GREB1: variants seen among roughly 807,000 people sequenced by gnomAD.
GREB1 encodes the protein growth regulating estrogen receptor binding 1, also known as protein GREB1.
A neutral mutation model predicts 200.7 loss-of-function variants in GREB1; 106 were observed. That is an observed-to-expected ratio of 0.53 (90% confidence interval 0.45 to 0.62). GREB1 has a LOEUF of 0.62. Ranked by LOEUF, GREB1 falls within the 20% of genes least tolerant of loss-of-function variation. The probability of loss-of-function intolerance (pLI) is 0.00; values close to 1 mark genes in which losing one functional copy is unlikely to be tolerated. For missense variants in GREB1, 2,243 were observed against 2,556.8 expected (o/e 0.88, Z 2.65); for synonymous variants, 1,132 against 1,092.4 (o/e 1.04, Z -0.72).
intron 1 of GREB1, among the ~76,000 whole-genome samples, chr2:11,546,942 A>G (rs1466727925): frequency 1.5e-5 from 2 of 136,168 alleles, no homozygotes; most frequent in Non-Finnish European, 3.1e-5. Flanking sequence ...GCTAGTTTAA[A>G]CTTTTTTTTT....
chr2:11,577,469 A>T (rs879383229), intron 5 of GREB1, among the ~76,000 whole-genome samples: 8 of 152,190 alleles, frequency 5.3e-5, no homozygotes, highest in Admixed American at 2.6e-4. Context: ...AGTGATTGGG[A>T]TGCAGCTTTC....
chr2:11,595,646 C>T (rs1681143786), intron 12 of GREB1, among the ~76,000 whole-genome samples: 1 of 152,146 alleles, frequency 6.6e-6, no homozygotes, highest in African/African-American at 2.4e-5. Context: ...TCATGGGGTA[C>T]ACAAGGCCCT....
chr2:11,512,922 C>G (rs1673391726), intron 1 of GREB1, among the ~76,000 whole-genome samples: 1 of 152,166 alleles, frequency 6.6e-6, no homozygotes, highest in Admixed American at 6.5e-5. Flanking sequence ...TCAAAATGAC[C>G]TTCTTTCAGT....
chr2:11,635,302 G>A lies in GREB1; in HGVS notation c.5243G>A (p.Arg1748Gln), dbSNP rs769255342. 1.8e-5 allele frequency: 29 copies of A among 1,614,034 alleles called. No homozygotes were observed. The highest frequency in any genetic ancestry group is 2.4e-5 in the Non-Finnish European group (28 of 1,180,026). The stretch of plus-strand genomic sequence containing the variant: ...TGTGACGATGTAGACTTCAACCTGC[G>A]GGTGCACAGCGCCGGCCTCCTGCTC... ...FLCDDVDFNL[R>Q]VHSAGLLLCR... is the part of the protein sequence containing the mutation. The change falls in exon 30 of 33, where the codon CGG (arginine) becomes CAG (glutamine). Residue 1748 changes from arginine (R) to glutamine (Q), a missense_variant. Coordinates refer to ENST00000381486, the MANE Select transcript of GREB1 (RefSeq NM_014668.4).
chr2:11,494,914 T>G (rs1254692959), intron 1 of GREB1, among the ~76,000 whole-genome samples: 1 of 152,178 alleles, frequency 6.6e-6, no homozygotes, highest in Non-Finnish European at 1.5e-5. Context: ...TCATCACCCA[T>G]GACCTGTCTT....
Position 11,600,857 on chromosome 2 carries a change from A to T in GREB1, c.2391A>T (p.Arg797=), listed in dbSNP as rs971033491. The change falls in exon 16 of 33, where the codon CGA becomes CGT. Residue 797 remains arginine, a synonymous_variant. Coordinates refer to ENST00000381486, the MANE Select transcript of GREB1 (RefSeq NM_014668.4). ...ACCCGTCGGTGGGATTGGTGGACCG[A>T]TTGCTCAACTGCAGGGAGGTGAAGG... ...QSDPSVGLVD[R]LLNCREVKEA... is the part of the protein sequence containing the mutation. The T allele has an allele frequency of 6.2e-7, 1 of 1,614,150 alleles. No individual in the cohort carries two copies. The highest frequency in any genetic ancestry group is 1.3e-5 in the African/African-American group (1 of 75,052).
At chr2:11,592,601 C>G (rs1219772152) in intron 10 of GREB1, among the ~76,000 whole-genome samples, 175 bp from the exon 11 acceptor site, 4 of 152,220 alleles carry the variant, frequency 2.6e-5, no homozygotes, top group African/African-American at 9.6e-5. Flanking sequence ...TAGCGTGGCT[C>G]TGTTAGGACG....
At position 11,618,830 on chromosome 2, in the gene GREB1, C is replaced by T. The variant is rs762337800; in HGVS notation, c.3955C>T (p.Arg1319Trp). ...SLYYRQWTVPRPSHMDYGNRA... is the reference protein window; with the variant it reads ...SLYYRQWTVPWPSHMDYGNRA... ...CTACTACCGGCAGTGGACGGTGCCC[C>T]GGCCCAGCCACATGGACTACGGCAA... Residue 1319 changes from arginine (R) to tryptophan (W), a missense_variant, in exon 22 of 33, where the codon CGG (arginine) becomes TGG (tryptophan). By Grantham distance (101) the Arg-to-Trp change is moderately radical. This residue lies in a region of GREB1 where 587 missense variants were observed against 553.1 expected (regional missense o/e 1.06). Coordinates refer to ENST00000381486, the MANE Select transcript of GREB1 (RefSeq NM_014668.4). 2.0e-5 allele frequency: 32 copies of T among 1,604,270 alleles called. No homozygotes were observed. The highest frequency in any genetic ancestry group is 3.3e-5 in the Admixed American group (2 of 59,880).
At position 11,566,556 on chromosome 2, in the gene GREB1, C is replaced by T. The variant is rs753179030; in HGVS notation, c.354C>T (p.Leu118=). 26 of 1,614,014 alleles carry T rather than the reference C, an allele frequency of 1.6e-5. No homozygotes were observed. The highest frequency in any genetic ancestry group is 1.9e-5 in the Non-Finnish European group (23 of 1,180,020). Residue 118 remains leucine (L), a synonymous_variant, in exon 4 of 33, where the codon CTC becomes CTT. Coordinates refer to ENST00000381486, the MANE Select transcript of GREB1 (RefSeq NM_014668.4). ...NEPMDVPAGF[L]LVGVKSPSLP... ...CCATGGATGTCCCTGCGGGCTTTCTCCTCGTGGGGGTCAAGTCCCCCAGCC... is the reference window on the plus strand; with the variant it reads ...CCATGGATGTCCCTGCGGGCTTTCTTCTCGTGGGGGTCAAGTCCCCCAGCC...
chr2:11,571,272 G>A (rs554220694), intron 4 of GREB1, among the ~76,000 whole-genome samples: 1 of 152,270 alleles, frequency 6.6e-6, no homozygotes, highest in Admixed American at 6.5e-5. Context: ...GAGCTCATGA[G>A]CTTTCAAGGC....
chr2:11,635,184 G>C, intron 29 of GREB1, 86 bp from the exon 30 acceptor site: 1 of 1,524,406 alleles, frequency 6.6e-7, no homozygotes, highest in Non-Finnish European at 9.0e-7. Context: ...CCCTACGATG[G>C]GGACCCACAC....
At position 11,592,856 on chromosome 2, in the gene GREB1, C is replaced by G. The variant is rs754978513; in HGVS notation, c.1426C>G (p.Arg476Gly). 2 of 1,599,988 alleles carry G rather than the reference C, an allele frequency of 1.3e-6. No individual in the cohort carries two copies. Among genetic ancestry groups the G allele is most frequent in the Non-Finnish European group, 1.7e-6 (2 of 1,175,560 alleles). ...SWRESHLTEI[R>G]QYQQAPPQPF... is the part of the protein sequence containing the mutation. ...GCGCGAGTCGCACCTGACCGAGATC[C>G]GGCAGTACCAGCAGGCGCCGCCGCA... The change falls in exon 11 of 33, where the codon CGG becomes GGG. Residue 476 changes from arginine to glycine, a missense_variant. Physicochemically the swap from Arg to Gly is moderately radical, Grantham distance 125 (BLOSUM62 -2). Around this residue, in one of 3 missense-constraint regions of GREB1, gnomAD observed 1,178 missense variants for 1,387.4 expected, o/e 0.85. Coordinates refer to ENST00000381486, the MANE Select transcript of GREB1 (RefSeq NM_014668.4).
chr2:11,590,654 A>G (rs1680638478), intron 10 of GREB1, among the ~76,000 whole-genome samples: 1 of 152,144 alleles, frequency 6.6e-6, no homozygotes, highest in South Asian at 2.1e-4. Context: ...TTTAGGCACC[A>G]GGAATTAGGG....
rs542108868 is a variant in GREB1, at chr2:11,578,496, C to T, written c.772+65C>T. 1.8e-4 allele frequency: 277 copies of T among 1,528,796 alleles called. 1 individual carries two copies. The South Asian group carries it at 2.3e-3, about 13-fold the overall frequency. 94.7% of individuals were successfully genotyped at this position (1,528,796 alleles called of 1,614,324 possible). A position where few individuals can be genotyped will look rare whatever the true frequency, so the allele number is the denominator to read the frequency against. ...GAGCTGGCACTGTCTCCGATGTGTC[C>T]GGTTGACTATGCCGTCAAGCATTCT... On this transcript the variant is annotated intron_variant, in intron 6 of 32. Coordinates refer to ENST00000381486, the MANE Select transcript of GREB1 (RefSeq NM_014668.4).
intron 3 of GREB1, among the ~76,000 whole-genome samples, chr2:11,566,114 G>T (rs1677619317): frequency 6.6e-6 from 1 of 152,042 alleles, no homozygotes. Flanking sequence ...TGCCTTACGG[G>T]TTCAAATGAT....
intron 29 of GREB1, among the ~76,000 whole-genome samples, chr2:11,635,042 T>G (rs1333590861): frequency 6.6e-6 from 1 of 152,240 alleles, no homozygotes; most frequent in Non-Finnish European, 1.5e-5. Flanking sequence ...AAGCATGAGG[T>G]ACACACTGCC....
chr2:11,497,679 G>A (rs566593321), intron 1 of GREB1, among the ~76,000 whole-genome samples: 80 of 152,294 alleles, frequency 5.3e-4, no homozygotes, highest in Admixed American at 7.8e-4. Context: ...TAGATGCATA[G>A]TGATGTCATA....
chr2:11,627,148 C>T, intron 25 of GREB1, 44 bp downstream of exon 25: 1 of 1,520,160 alleles, frequency 6.6e-7, no homozygotes, highest in South Asian at 1.3e-5. Flanking sequence ...CCTTGGCTCA[C>T]ATTGTCCGTT....
chr2:11,578,571 C>G (rs1158872103), intron 6 of GREB1, 140 bp downstream of exon 6: 7 of 826,690 alleles, frequency 8.5e-6, no homozygotes, highest in Non-Finnish European at 1.3e-5. Context: ...CCTTTACTTT[C>G]ATCTTGAATT....
Sources: gnomAD v4.1 joint callset for allele counts (sites outside exome capture counted in the v4.1 genomes callset) on GRCh38, gnomAD v4.1.1 for gene constraint, gnomAD v4.1.1 regional missense constraint, MANE v1.5 for transcripts, NCBI Gene and HGNC (gene_info 2026-07-23, HGNC 2026-07-21) for gene names.